Variants in TAS2R1 observed in about 807,000 individuals in gnomAD.
TAS2R1 encodes the protein taste 2 receptor member 1.
For synonymous variants in TAS2R1, 141 were observed against 134.2 expected, an observed-to-expected ratio of 1.05 and a Z score of -0.35; for missense variants, 370 against 353.4, an observed-to-expected ratio of 1.05 and a Z score of -0.38.
intron 1 of TAS2R1, among the ~76,000 whole-genome samples, chr5:9,710,000 G>A (rs1561385621): frequency 6.6e-6 from 1 of 152,248 alleles, no homozygotes; most frequent in Non-Finnish European, 1.5e-5. Context: ...GCCAGTAGGT[G>A]AGTTTTGGTC....
At chr5:9,854,386 T>G in the TAS2R1 span, 1 of 152,180 alleles carries the variant, frequency 6.6e-6, no homozygotes, top group African/African-American at 2.4e-5. Flanking sequence ...CATTCTGAGC[T>G]TCTGGGAGTT....
chr5:9,713,243 C>T (rs1734733510), upstream of TAS2R1: 1 of 152,096 alleles, frequency 6.6e-6, no homozygotes, highest in South Asian at 2.1e-4. Context: ...AATAAATAAA[C>T]GGATGAATCC....
At chr5:9,897,549 C>T in the TAS2R1 span, among the ~76,000 whole-genome samples, 1 of 152,332 alleles carries the variant, frequency 6.6e-6, no homozygotes, top group Admixed American at 6.5e-5. Context: ...AGGCTAACCG[C>T]ACGTCTATAC....
chr5:9,628,730 T>C lies in TAS2R1; in HGVS notation c.*403A>G, dbSNP rs1163330408. ...ATTCATGGACCATACAGCATTCATGTGTCCTTCTGACATCACGAGTTCAAA... is the reference window on the plus strand; with the variant it reads ...ATTCATGGACCATACAGCATTCATGCGTCCTTCTGACATCACGAGTTCAAA... On this transcript the variant is annotated 3_prime_UTR_variant, in exon 1 of 1. Transcript: ENST00000382492. Among the ~76,000 whole-genome samples, 1 of 152,238 alleles carries C rather than the reference T, an allele frequency of 6.6e-6. No homozygotes were observed. The highest frequency in any genetic ancestry group is 1.5e-5 in the Non-Finnish European group (1 of 68,032).
chr5:9,710,755 T>C (rs1741715074), intron 1 of TAS2R1, among the ~76,000 whole-genome samples: 1 of 151,486 alleles, frequency 6.6e-6, no homozygotes, highest in Non-Finnish European at 1.5e-5. Flanking sequence ...CTCCAAAGAA[T>C]ACATACAAAT....
chr5:9,686,640 CAGAA>C (rs1392628049), intron 1 of TAS2R1, among the ~76,000 whole-genome samples: 1 of 151,948 alleles, frequency 6.6e-6, no homozygotes, highest in Admixed American at 6.6e-5. Context: ...AAGAAGGAAA[CAGAA>C]AGAAAGAAAA....
At chr5:9,696,912 C>G (rs1460661093) in intron 1 of TAS2R1, among the ~76,000 whole-genome samples, 1 of 151,976 alleles carries the variant, frequency 6.6e-6, no homozygotes, top group African/African-American at 2.4e-5. Flanking sequence ...ACTTGGGAGG[C>G]TGAGGCAGGA....
chr5:9,857,813 T>C, the TAS2R1 span, among the ~76,000 whole-genome samples: 2 of 152,132 alleles, frequency 1.3e-5, no homozygotes, highest in Non-Finnish European at 2.9e-5. Flanking sequence ...GGGGGAGCCC[T>C]TCACCAGTCA....
the TAS2R1 span, among the ~76,000 whole-genome samples, chr5:9,851,219 T>G: frequency 3.9e-5 from 6 of 152,314 alleles, no homozygotes; most frequent in Admixed American, 3.9e-4. Context: ...ACATCCAAAC[T>G]TATTGATAAC....
intron 2 of TAS2R1, among the ~76,000 whole-genome samples, chr5:9,651,150 G>A (rs1740297627): frequency 6.6e-6 from 1 of 152,120 alleles, no homozygotes; most frequent in Admixed American, 6.6e-5. Flanking sequence ...TGGAAAAATT[G>A]AACATATTCT....
the TAS2R1 span, among the ~76,000 whole-genome samples, chr5:9,885,292 A>C: frequency 6.6e-6 from 1 of 152,226 alleles, no homozygotes; most frequent in African/African-American, 2.4e-5. Flanking sequence ...ATGGAAAGTT[A>C]AATATAAGTA....
At chr5:9,689,440 C>T (rs564892413) in intron 1 of TAS2R1, among the ~76,000 whole-genome samples, 1 of 152,278 alleles carries the variant, frequency 6.6e-6, no homozygotes, top group African/African-American at 2.4e-5. Context: ...AAATAAGCCA[C>T]CCAGGTGATG....
the TAS2R1 span, among the ~76,000 whole-genome samples, chr5:9,804,940 T>A: frequency 6.6e-6 from 1 of 151,692 alleles, no homozygotes; most frequent in Non-Finnish European, 1.5e-5. Flanking sequence ...ATGCAAAATA[T>A]AAATGAAACA....
At chr5:9,691,055 G>C (rs1019501915) in intron 1 of TAS2R1, among the ~76,000 whole-genome samples, 8 of 152,198 alleles carry the variant, frequency 5.3e-5, no homozygotes, top group African/African-American at 1.9e-4. Flanking sequence ...AGAAAGATAT[G>C]TCCACCGCCT....
the TAS2R1 span, among the ~76,000 whole-genome samples, chr5:9,822,592 G>A: frequency 1.3e-5 from 2 of 151,790 alleles, no homozygotes; most frequent in Non-Finnish European, 2.9e-5. Flanking sequence ...CTCGTGATCC[G>A]CCCGCCTCGG....
At chr5:9,665,480 A>C (rs759898164) in intron 1 of TAS2R1, among the ~76,000 whole-genome samples, 19 of 152,176 alleles carry the variant, frequency 1.2e-4, no homozygotes, top group Non-Finnish European at 2.6e-4. Context: ...TACCATAGTC[A>C]CTCACAATCA....
At chr5:9,633,313 T>TATATATATATATATATATATATATA (rs1254101852), upstream of TAS2R1, among the ~76,000 whole-genome samples, 5 of 128,986 alleles carry the variant, frequency 3.9e-5, no homozygotes, top group African/African-American at 1.7e-4. Context: ...TATATATATA[T>TATATATATATATATATATATATATA]ATATATACAC....
the TAS2R1 span, among the ~76,000 whole-genome samples, chr5:9,785,459 A>T: frequency 6.6e-6 from 1 of 152,182 alleles, no homozygotes; most frequent in Non-Finnish European, 1.5e-5. Context: ...ATTAGCCAAA[A>T]ATTAACAGTG....
the TAS2R1 span, among the ~76,000 whole-genome samples, chr5:9,897,317 C>T: frequency 4.9e-4 from 74 of 152,098 alleles, no homozygotes; most frequent in African/African-American, 1.7e-3. Context: ...GGCGTGGTGG[C>T]GCATGCCTGT....
Sources: allele counts gnomAD v4.1 joint callset (sites outside exome capture counted in the v4.1 genomes callset), GRCh38; gene constraint gnomAD v4.1.1; transcripts MANE v1.5; gene names NCBI Gene and HGNC (gene_info 2026-07-23, HGNC 2026-07-21).